Variants in ARHGEF3 observed in about 807,000 individuals in gnomAD.
ARHGEF3 encodes 59.8 kDA protein.
A neutral mutation model predicts 63.2 loss-of-function variants in ARHGEF3; 28 were observed. That is an observed-to-expected ratio of 0.44 (90% CI 0.33 to 0.61). The LOEUF (loss-of-function observed/expected upper bound fraction) is 0.61, where lower values mean the gene tolerates loss of function less well. Among genes scored for constraint, ARHGEF3 ranks in the 20% least tolerant of loss-of-function variants. The pLI is 0.03. For synonymous variants in ARHGEF3, 266 were observed against 254.2 expected (o/e 1.05, Z -0.44); for missense variants, 533 against 659.3 (o/e 0.81, Z 2.10).
intron 7 of ARHGEF3, among the ~76,000 whole-genome samples, chr3:56,742,160 C>T (rs572065310): frequency 3.9e-5 from 6 of 152,150 alleles, no homozygotes; most frequent in Admixed American, 3.3e-4. Context: ...CTGTTTTTCC[C>T]ACTGATTTCA....
At chr3:56,866,409 T>C (rs2040249264) in intron 4 of ARHGEF3, among the ~76,000 whole-genome samples, 1 of 152,188 alleles carries the variant, frequency 6.6e-6, no homozygotes, top group Non-Finnish European at 1.5e-5. Flanking sequence ...ACCGGTGCCC[T>C]GCGTCATGTT....
intron 3 of ARHGEF3, among the ~76,000 whole-genome samples, chr3:56,884,332 C>T (rs1423224988): frequency 6.6e-6 from 1 of 152,048 alleles, no homozygotes; most frequent in African/African-American, 2.4e-5. Context: ...GAGGAGGAGG[C>T]ATTTGAATAG....
At chr3:56,748,750 C>T (rs1369645673) in intron 6 of ARHGEF3, among the ~76,000 whole-genome samples, 1 of 151,968 alleles carries the variant, frequency 6.6e-6, no homozygotes, top group Admixed American at 6.6e-5. Context: ...ACAGGCTGAC[C>T]CATTAGGGAG....
chr3:56,783,847 GTC>G (rs1380102142), intron 1 of ARHGEF3, among the ~76,000 whole-genome samples: 1 of 152,166 alleles, frequency 6.6e-6, no homozygotes, highest in Non-Finnish European at 1.5e-5. Flanking sequence ...TATTTTATTA[GTC>G]TGCTACTGGT....
chr3:57,048,414 C>T (rs1422109599), intron 1 of ARHGEF3, among the ~76,000 whole-genome samples: 3 of 152,182 alleles, frequency 2.0e-5, no homozygotes, highest in Admixed American at 6.5e-5. Flanking sequence ...TATTACCCAA[C>T]AGATTTGCAC....
At chr3:56,995,620 CGAGAGAGAGA>C (rs66778716) in intron 2 of ARHGEF3, among the ~76,000 whole-genome samples, 6,165 of 113,094 alleles carry the variant, frequency 0.055, 178 homozygotes, top group Middle Eastern at 0.17. Context: ...GTAAATTTTC[CGAGAGAGAGA>C]GAGAGAGAGA....
rs11306302 is a variant in ARHGEF3, at chr3:56,795,655, C to CTTTTTTTTTT, written c.96+6038_96+6047dup. Reference sequence around the variant, plus strand: ...TTAACTTGTGACACAGTCTCTCTCTCTTTTTTTTTTTTGAAGATGGACTCT... The same window carrying CTTTTTTTTTT: ...TTAACTTGTGACACAGTCTCTCTCTCTTTTTTTTTTTTTTTTTTTTTTGAAGATGGACTCT... On this transcript the variant is annotated intron_variant, in intron 1 of 9. Coordinates refer to ENST00000296315, the MANE Select transcript of ARHGEF3 (RefSeq NM_019555.3). Among the ~76,000 whole-genome samples the CTTTTTTTTTT allele has an allele frequency of 2.3e-3, 294 of 130,526 alleles. 7 individuals are homozygous for CTTTTTTTTTT. Among genetic ancestry groups the CTTTTTTTTTT allele is most frequent in the East Asian group, 7.1e-3 (27 of 3,778 alleles). The allele number at this position is 130,526 out of a possible 152,430, so 85.6% of individuals were successfully genotyped here. A position where few individuals can be genotyped will look rare whatever the true frequency, so the allele number is the denominator to read the frequency against.
intron 3 of ARHGEF3, among the ~76,000 whole-genome samples, chr3:56,905,584 C>T (rs2041657891): frequency 6.6e-6 from 1 of 152,190 alleles, no homozygotes. Context: ...CATTAATATC[C>T]AGAAACAGAA....
chr3:56,908,463 G>A (rs966191392), intron 3 of ARHGEF3, among the ~76,000 whole-genome samples: 1 of 152,230 alleles, frequency 6.6e-6, no homozygotes, highest in African/African-American at 2.4e-5. Context: ...TCCAGAGAAA[G>A]AGGTGAGGTG....
At chr3:57,014,197 G>GA (rs1702854773) in intron 2 of ARHGEF3, among the ~76,000 whole-genome samples, 2 of 152,062 alleles carry the variant, frequency 1.3e-5, no homozygotes, top group African/African-American at 2.4e-5. Context: ...CCCACCAGAA[G>GA]GAAAAAACTC....
At chr3:56,746,602 C>A (rs890273702) in intron 6 of ARHGEF3, among the ~76,000 whole-genome samples, 4 of 152,000 alleles carry the variant, frequency 2.6e-5, no homozygotes, top group African/African-American at 9.7e-5. Flanking sequence ...TGGTGGCACA[C>A]ACCTGTAATC....
At chr3:56,832,015 T>G (rs954387575) in intron 4 of ARHGEF3, among the ~76,000 whole-genome samples, 2 of 152,172 alleles carry the variant, frequency 1.3e-5, no homozygotes, top group African/African-American at 2.4e-5. Flanking sequence ...AGGAGTATAA[T>G]GATGACTTTG....
chr3:56,944,568 C>CTTTTTT (rs1205155655), intron 3 of ARHGEF3, among the ~76,000 whole-genome samples: 2,323 of 65,786 alleles, frequency 0.035, 200 homozygotes, highest in East Asian at 0.16. Context: ...AAAGTGGTTT[C>CTTTTTT]TTTTTTTTTT....
intron 4 of ARHGEF3, among the ~76,000 whole-genome samples, chr3:56,854,199 A>C (rs941545710): frequency 1.3e-5 from 2 of 152,148 alleles, no homozygotes; most frequent in Non-Finnish European, 2.9e-5. Context: ...CATCTAAAAA[A>C]ACAAAACAAA....
chr3:56,925,017 T>A (rs539551306), intron 3 of ARHGEF3, among the ~76,000 whole-genome samples: 1 of 152,366 alleles, frequency 6.6e-6, no homozygotes, highest in African/African-American at 2.4e-5. Context: ...GCCCACATTC[T>A]ACCAGAGGAG....
intron 3 of ARHGEF3, among the ~76,000 whole-genome samples, chr3:56,922,856 G>A (rs2042177585): frequency 1.3e-5 from 2 of 151,848 alleles, no homozygotes. Flanking sequence ...GCAGGTTGCA[G>A]GGAGGATGGT....
chr3:56,803,037 G>A (rs148794668), upstream of ARHGEF3, among the ~76,000 whole-genome samples: 120 of 152,148 alleles, frequency 7.9e-4, no homozygotes, highest in African/African-American at 2.7e-3. Context: ...AAAAATACAA[G>A]TTTACCAAAG....
chr3:56,814,768 C>CA (rs1372051009), intron 4 of ARHGEF3, among the ~76,000 whole-genome samples: 1 of 151,582 alleles, frequency 6.6e-6, no homozygotes, highest in Non-Finnish European at 1.5e-5. Flanking sequence ...CTTATAATTT[C>CA]AAAAAAGGAT....
intron 3 of ARHGEF3, among the ~76,000 whole-genome samples, chr3:56,906,679 T>C (rs1046524008): frequency 1.3e-5 from 2 of 151,760 alleles, no homozygotes; most frequent in African/African-American, 2.4e-5. Flanking sequence ...CTACTAAAAA[T>C]ACAAAAATTA....
Sources: allele counts gnomAD v4.1 joint callset (sites outside exome capture counted in the v4.1 genomes callset), GRCh38; gene constraint gnomAD v4.1.1; transcripts MANE v1.5; gene names NCBI Gene and HGNC (gene_info 2026-07-23, HGNC 2026-07-21).